Variants in SLC2A13 observed in about 807,000 individuals in gnomAD.
SLC2A13 encodes proton myo-inositol cotransporter.
In SLC2A13, 32 loss-of-function variants were observed where a neutral mutation model predicts 64.4. The ratio of observed to expected loss-of-function variants is 0.50; its 90% CI spans 0.37 to 0.67. The LOEUF (loss-of-function observed/expected upper bound fraction) is 0.67. Among genes scored for constraint, SLC2A13 ranks in the 30% least tolerant of loss-of-function variants. SLC2A13 has a pLI of 0.00. For synonymous variants in SLC2A13, 338 were observed against 327.1 expected, an observed-to-expected ratio of 1.03 and a Z score of -0.36; for missense variants, 743 against 829.2, an observed-to-expected ratio of 0.90 and a Z score of 1.28.
At chr12:39,923,723 CAT>C (rs1555136457) in intron 4 of SLC2A13, among the ~76,000 whole-genome samples, 12 of 148,990 alleles carry the variant, frequency 8.1e-5, no homozygotes, top group African/African-American at 2.8e-4. Context: ...CACACACACA[CAT>C]ATATTTTAAC....
chr12:39,803,524 T>C (rs1408106017), intron 7 of SLC2A13, among the ~76,000 whole-genome samples: 1 of 152,096 alleles, frequency 6.6e-6, no homozygotes, highest in Non-Finnish European at 1.5e-5. Context: ...TAAAAAGATA[T>C]AAAATGTAAC....
At chr12:39,786,557 A>G (rs1383477389) in intron 7 of SLC2A13, among the ~76,000 whole-genome samples, 2 of 152,318 alleles carry the variant, frequency 1.3e-5, no homozygotes, top group South Asian at 4.1e-4. Context: ...TCTGGAGTGC[A>G]TTCTAAGCAG....
chr12:39,780,879 T>C (rs991410131), intron 7 of SLC2A13, among the ~76,000 whole-genome samples: 10 of 152,136 alleles, frequency 6.6e-5, no homozygotes, highest in African/African-American at 2.2e-4. Context: ...CTGCTTAGAG[T>C]ATGAAAATAC....
intron 4 of SLC2A13, among the ~76,000 whole-genome samples, chr12:39,932,701 T>C (rs930261555): frequency 2.2e-4 from 34 of 152,272 alleles, no homozygotes; most frequent in African/African-American, 7.2e-4. Flanking sequence ...GGTGTGCTGT[T>C]TAAATTCAGA....
intron 7 of SLC2A13, among the ~76,000 whole-genome samples, chr12:39,806,455 A>C (rs1229981569): frequency 6.6e-6 from 1 of 152,104 alleles, no homozygotes; most frequent in African/African-American, 2.4e-5. Context: ...CAGGATATAT[A>C]TTTTCCCTGG....
chr12:39,837,501 A>G (rs1312476077), intron 6 of SLC2A13, among the ~76,000 whole-genome samples: 18 of 140,488 alleles, frequency 1.3e-4, no homozygotes, highest in African/African-American at 4.6e-4. Context: ...GGATCTAATT[A>G]AACTAAAGAG....
chr12:39,996,949 G>C (rs933560650), intron 3 of SLC2A13, among the ~76,000 whole-genome samples: 1 of 152,096 alleles, frequency 6.6e-6, no homozygotes, highest in Non-Finnish European at 1.5e-5. Flanking sequence ...TTGTGATAAT[G>C]ACCATACTGC....
At chr12:39,895,100 C>A (rs1487116824) in intron 4 of SLC2A13, among the ~76,000 whole-genome samples, 1 of 151,980 alleles carries the variant, frequency 6.6e-6, no homozygotes, top group South Asian at 2.1e-4. Flanking sequence ...AACTTCTTGG[C>A]CCCAGTGATT....
At chr12:39,823,177 A>T (rs1942573464) in intron 7 of SLC2A13, among the ~76,000 whole-genome samples, 1 of 152,226 alleles carries the variant, frequency 6.6e-6, no homozygotes, top group South Asian at 2.1e-4. Flanking sequence ...AACATAAAAA[A>T]GTATAATTTT....
chr12:39,868,726 G>T (rs1943969088), intron 5 of SLC2A13, among the ~76,000 whole-genome samples: 1 of 152,048 alleles, frequency 6.6e-6, no homozygotes, highest in Non-Finnish European at 1.5e-5. Flanking sequence ...CAATATTAAA[G>T]AATCAAGAAT....
At chr12:39,897,816 T>C (rs1380840809) in intron 4 of SLC2A13, among the ~76,000 whole-genome samples, 2 of 152,132 alleles carry the variant, frequency 1.3e-5, no homozygotes, top group African/African-American at 2.4e-5. Flanking sequence ...TTTGAAGACT[T>C]TTTTCTATAA....
intron 4 of SLC2A13, among the ~76,000 whole-genome samples, chr12:39,900,992 T>C (rs1485152588): frequency 6.6e-6 from 1 of 152,010 alleles, no homozygotes; most frequent in African/African-American, 2.4e-5. Context: ...AAAACAGAGA[T>C]ATAGATCAAT....
intron 7 of SLC2A13, among the ~76,000 whole-genome samples, chr12:39,767,308 T>TG (rs1335110363): frequency 1.3e-5 from 2 of 151,356 alleles, no homozygotes; most frequent in East Asian, 2.0e-4. Context: ...GAATCTTTTT[T>TG]TTCTTTTCCT....
chr12:39,869,311 T>C (rs1943985294), intron 5 of SLC2A13, among the ~76,000 whole-genome samples: 1 of 152,210 alleles, frequency 6.6e-6, no homozygotes, highest in African/African-American at 2.4e-5. Context: ...CATTATCTTC[T>C]AGTAGGACCT....
chr12:39,950,196 CA>C (rs1565557485), intron 4 of SLC2A13: 2 of 151,898 alleles, frequency 1.3e-5, no homozygotes, highest in African/African-American at 4.8e-5. Flanking sequence ...ATATTTTAAT[CA>C]ATTCACTCTT....
intron 4 of SLC2A13, 53 bp from the exon 5 acceptor site, chr12:39,872,014 G>A: frequency 2.4e-5 from 34 of 1,391,746 alleles, no homozygotes; most frequent in Middle Eastern, 1.9e-4. Flanking sequence ...AAAGAAACAG[G>A]GTTATTTTGA....
At position 40,105,436 on chromosome 12, in the gene SLC2A13, A is replaced by G; in HGVS notation, c.373T>C (p.Ser125Pro). Residue 125 changes from serine to proline, a missense_variant, in exon 1 of 10, where the codon TCC (serine) becomes CCC (proline). By Grantham distance (74) the Ser-to-Pro change is moderately conservative (BLOSUM62 -1). Transcript: ENST00000280871. This position sits in a 1 kb window ranked among gnomAD's most constrained non-coding sequence, Gnocchi z 4.2. ...LDALWQELLV[S>P]STVGAAAVSA... ...ACGGCAGCCGCCCCCACCGTGCTGG[A>G]CACCAGCAGCTCCTGCCACAGCGCG... is the stretch of plus-strand genomic sequence containing the variant. 1 of 1,554,570 alleles carries G rather than the reference A, an allele frequency of 6.4e-7. No homozygotes were observed. The highest frequency in any genetic ancestry group is 8.7e-7 in the Non-Finnish European group (1 of 1,150,000).
chr12:39,895,514 T>A (rs1490272324), intron 4 of SLC2A13, among the ~76,000 whole-genome samples: 20 of 56,646 alleles, frequency 3.5e-4, no homozygotes, highest in African/African-American at 8.4e-4. Flanking sequence ...AAAAAAAAAA[T>A]TATATATATA....
At chr12:40,034,207 CTT>C (rs1947944361) in intron 2 of SLC2A13, among the ~76,000 whole-genome samples, 1 of 152,254 alleles carries the variant, frequency 6.6e-6, no homozygotes, top group African/African-American at 2.4e-5. Flanking sequence ...AGAGAAGACA[CTT>C]TTCACTTTGA....
Sources: gnomAD v4.1 joint callset for allele counts (sites outside exome capture counted in the v4.1 genomes callset) on GRCh38, gnomAD v4.1.1 for gene constraint, Gnocchi (gnomAD v3.1) non-coding constraint, MANE v1.5 for transcripts, NCBI Gene and HGNC (gene_info 2026-07-23, HGNC 2026-07-21) for gene names.